CAMKMT: variants seen among roughly 807,000 people sequenced by gnomAD.
CAMKMT encodes CaM KMT.
CAMKMT carries 53 observed loss-of-function variants against 48.0 expected under a neutral mutation model. The ratio of observed to expected loss-of-function variants is 1.10; its 90% CI spans 0.89 to 1.39. The LOEUF (loss-of-function observed/expected upper bound fraction) is 1.39. Among genes scored for constraint, CAMKMT ranks in the 40% most tolerant of loss-of-function variants. The pLI, the probability that CAMKMT is intolerant of heterozygous loss-of-function variation, is 0.00. For missense variants in CAMKMT, 428 were observed against 402.7 expected (o/e 1.06, Z -0.54); for synonymous variants, 165 against 152.3 (o/e 1.08, Z -0.61).
chr2:44,387,745 A>G (rs1275246465), intron 2 of CAMKMT, among the ~76,000 whole-genome samples: 2 of 152,046 alleles, frequency 1.3e-5, no homozygotes, highest in Admixed American at 6.5e-5. Context: ...TTCTCTCAGT[A>G]TTTGTCTGAA....
intron 3 of CAMKMT, among the ~76,000 whole-genome samples, chr2:44,513,313 A>G (rs1036144010): frequency 6.6e-6 from 1 of 150,918 alleles, no homozygotes; most frequent in Non-Finnish European, 1.5e-5. Flanking sequence ...GAGTGTGACT[A>G]GTACATAGTA....
chr2:44,720,112 C>G (rs1055258211), intron 7 of CAMKMT, among the ~76,000 whole-genome samples: 1 of 152,102 alleles, frequency 6.6e-6, no homozygotes, highest in Non-Finnish European at 1.5e-5. Flanking sequence ...GTGTTTTGCA[C>G]TGAAGACACC....
rs573111501 is a variant in CAMKMT, at chr2:44,477,910, A to T, written c.376+87605A>T. Among the ~76,000 whole-genome samples the T allele has an allele frequency of 9.2e-5, 14 of 152,340 alleles. No individual in the cohort carries two copies. The South Asian group carries it at 2.5e-3, about 27-fold the overall frequency. The stretch of plus-strand genomic sequence containing the variant: ...CATGGAATTAACAAAGCTACTTCAC[A>T]CAAAGGGACGGATGGTACTTCCTCC... On this transcript the variant is annotated intron_variant, in intron 3 of 10. Transcript: ENST00000378494.
chr2:44,723,393 C>T (rs1021494508), intron 7 of CAMKMT, among the ~76,000 whole-genome samples: 2 of 151,990 alleles, frequency 1.3e-5, no homozygotes, highest in Non-Finnish European at 2.9e-5. Flanking sequence ...GAGTTCAAGA[C>T]CTGCGTGGCC....
intron 7 of CAMKMT, among the ~76,000 whole-genome samples, chr2:44,736,759 T>G (rs1679376596): frequency 6.6e-6 from 1 of 152,174 alleles, no homozygotes. Flanking sequence ...TCACTAGTCT[T>G]CTCTTTTGCG....
At chr2:44,687,246 G>A (rs970623959) in intron 3 of CAMKMT, among the ~76,000 whole-genome samples, 5 of 152,098 alleles carry the variant, frequency 3.3e-5, no homozygotes, top group Non-Finnish European at 7.4e-5. Context: ...ATGCCCATTT[G>A]AGTTTTTACA....
At chr2:44,377,720 C>G (rs751773042) in intron 2 of CAMKMT, among the ~76,000 whole-genome samples, 2 of 152,112 alleles carry the variant, frequency 1.3e-5, no homozygotes, top group African/African-American at 4.8e-5. Flanking sequence ...GGCTAGAACT[C>G]TTGACTTTTG....
chr2:44,665,132 GCGATCTCGGCTCACTGCAACCTCTGCC>G (rs1310012691), intron 3 of CAMKMT, among the ~76,000 whole-genome samples: 1 of 152,124 alleles, frequency 6.6e-6, no homozygotes. Context: ...GTGCAGTGGT[GCGATCTCGGCTCACTGCAACCTCTGCC>G]TCCCGGGTTC....
chr2:44,375,586 T>TA (rs1558550225), intron 2 of CAMKMT, among the ~76,000 whole-genome samples: 1 of 152,062 alleles, frequency 6.6e-6, no homozygotes, highest in African/African-American at 2.4e-5. Flanking sequence ...AAATGATTTT[T>TA]AAAAAAACTG....
intron 3 of CAMKMT, among the ~76,000 whole-genome samples, chr2:44,447,467 G>A (rs1420926489): frequency 1.3e-5 from 2 of 152,180 alleles, no homozygotes; most frequent in South Asian, 2.1e-4. Flanking sequence ...GTCATAGTGG[G>A]ATAGGTTATG....
chr2:44,480,852 A>T (rs1420800738), intron 3 of CAMKMT, among the ~76,000 whole-genome samples: 1 of 152,092 alleles, frequency 6.6e-6, no homozygotes, highest in Non-Finnish European at 1.5e-5. Flanking sequence ...TCAAATTAAA[A>T]CATACATATT....
chr2:44,484,929 CG>C (rs1223497029), intron 3 of CAMKMT, among the ~76,000 whole-genome samples: 1 of 152,136 alleles, frequency 6.6e-6, no homozygotes, highest in Admixed American at 6.5e-5. Context: ...AGGCACTTCA[CG>C]AACAGTATAT....
At chr2:44,478,959 A>G (rs554673194) in intron 3 of CAMKMT, among the ~76,000 whole-genome samples, 1 of 152,262 alleles carries the variant, frequency 6.6e-6, no homozygotes, top group African/African-American at 2.4e-5. Flanking sequence ...TCGGCCTCCC[A>G]AGGTGCTGGG....
intron 2 of CAMKMT, among the ~76,000 whole-genome samples, 170 bp downstream of exon 2, chr2:44,373,058 G>C (rs1173294644): frequency 6.6e-6 from 1 of 152,144 alleles, no homozygotes; most frequent in East Asian, 1.9e-4. Flanking sequence ...ACTGGGTCTT[G>C]CTGTATTATC....
At chr2:44,402,325 T>C (rs1421307448) in intron 3 of CAMKMT, among the ~76,000 whole-genome samples, 1 of 40,486 alleles carries the variant, frequency 2.5e-5, no homozygotes, top group East Asian at 3.2e-4. Flanking sequence ...CAAGACTCTG[T>C]CTAAAAAAAA....
intron 3 of CAMKMT, among the ~76,000 whole-genome samples, chr2:44,620,347 CCTTTAATT>C: frequency 6.6e-6 from 1 of 152,244 alleles, no homozygotes; most frequent in Non-Finnish European, 1.5e-5. Context: ...CTTATCACTA[CCTTTAATT>C]CTTTCACCCC....
chr2:44,511,541 A>G (rs1018472907), intron 3 of CAMKMT, among the ~76,000 whole-genome samples: 1 of 152,182 alleles, frequency 6.6e-6, no homozygotes, highest in East Asian at 1.9e-4. Context: ...CGCCTGCCTC[A>G]GCCTCCCAAA....
chr2:44,492,903 T>C (rs1449326826), intron 3 of CAMKMT, among the ~76,000 whole-genome samples: 1 of 151,248 alleles, frequency 6.6e-6, no homozygotes, highest in East Asian at 1.9e-4. Context: ...TTTTTTTTTT[T>C]CTTTTTTTGA....
intron 3 of CAMKMT, among the ~76,000 whole-genome samples, chr2:44,693,439 GC>G (rs1030160019): frequency 7.2e-5 from 11 of 151,960 alleles, no homozygotes; most frequent in African/African-American, 2.7e-4. Flanking sequence ...ACAACATTAA[GC>G]CCTCTTGTTA....
Sources: allele counts gnomAD v4.1 joint callset (sites outside exome capture counted in the v4.1 genomes callset), GRCh38; gene constraint gnomAD v4.1.1; transcripts MANE v1.5; gene names NCBI Gene and HGNC (gene_info 2026-07-23, HGNC 2026-07-21).